The following HK2 variants were observed in gnomAD, a reference collection of about 807,000 sequenced individuals.
HK2 encodes hexokinase-2.
Under a neutral mutation model 92.9 loss-of-function variants are expected in HK2, and 42 were observed. The ratio of observed to expected loss-of-function variants is 0.45; its 90% CI spans 0.35 to 0.58. The LOEUF is 0.58. HK2 is among the 20% of genes least tolerant of loss of function. The pLI, the probability that HK2 is intolerant of heterozygous loss-of-function variation, is 0.00. For synonymous variants in HK2, 422 were observed against 468.0 expected (o/e 0.90, Z 1.27); for missense variants, 978 against 1,245.1 (o/e 0.79, Z 3.23).
Position 74,834,528 on chromosome 2 carries a change from C to T in HK2, c.-53C>T, listed in dbSNP as rs985814893. On this transcript the variant is annotated 5_prime_UTR_variant, in exon 1 of 18. Transcript: ENST00000290573. This position sits in a 1 kb window ranked among gnomAD's most constrained non-coding sequence, Gnocchi z 4.2. Reference sequence around the variant, plus strand: ...AGTCGGACCGCGCCGCCCGCCTCCCCTCTCGCGTCTCCGCCTCGGTTTCCC... The same window carrying T: ...AGTCGGACCGCGCCGCCCGCCTCCCTTCTCGCGTCTCCGCCTCGGTTTCCC... 18 of 1,588,722 alleles carry T rather than the reference C, an allele frequency of 1.1e-5. No individual in the cohort carries two copies. Among genetic ancestry groups the T allele is most frequent in the Admixed American group, 1.7e-5 (1 of 59,968 alleles).
intron 2 of HK2, among the ~76,000 whole-genome samples, chr2:74,864,415 T>C (rs1242411615): frequency 6.6e-6 from 1 of 152,210 alleles, no homozygotes; most frequent in Admixed American, 6.5e-5. Context: ...CAAACCTCCA[T>C]GGCCTTGACA....
chr2:74,861,477 G>C (rs1009216706), intron 2 of HK2, among the ~76,000 whole-genome samples: 6 of 151,390 alleles, frequency 4.0e-5, no homozygotes, highest in Non-Finnish European at 1.5e-5. Flanking sequence ...CATGGTGTCT[G>C]TACTAGGCCA....
chr2:74,881,997 G>C, intron 11 of HK2, 123 bp from the exon 12 acceptor site: 1 of 1,419,340 alleles, frequency 7.0e-7, no homozygotes, highest in Non-Finnish European at 1.0e-6. Context: ...CTTGACTCAG[G>C]TTTGTGCCTG....
intron 12 of HK2, among the ~76,000 whole-genome samples, chr2:74,884,165 T>C (rs1286648829): frequency 1.3e-5 from 2 of 152,254 alleles, no homozygotes; most frequent in Non-Finnish European, 2.9e-5. Context: ...ACTGTTTCTG[T>C]CTGAATTGTG....
chr2:74,870,395 G>A (rs1689068614), intron 3 of HK2, among the ~76,000 whole-genome samples: 2 of 151,964 alleles, frequency 1.3e-5, no homozygotes, highest in Non-Finnish European at 2.9e-5. Context: ...GCTTCTTCAC[G>A]GTCTATTTTT....
chr2:74,868,710 A>G (rs1445629939), intron 3 of HK2, among the ~76,000 whole-genome samples: 1 of 152,216 alleles, frequency 6.6e-6, no homozygotes, highest in East Asian at 1.9e-4. Context: ...CTTGGGCCAC[A>G]TCCCCCAGAT....
At chr2:74,864,845 T>C (rs1688910030) in intron 2 of HK2, among the ~76,000 whole-genome samples, 1 of 152,200 alleles carries the variant, frequency 6.6e-6, no homozygotes, top group Non-Finnish European at 1.5e-5. Context: ...ATAGTCCATG[T>C]TTCACGTAAG....
At position 74,843,800 on chromosome 2, in the gene HK2, C is replaced by T. The variant is rs539120527; in HGVS notation, c.63+9157C>T. The stretch of plus-strand genomic sequence containing the variant: ...GTTAAATGAGGGCATTCGAAACTGC[C>T]ACTTTTCCTTCTTTCCCATTTGAGG... On this transcript the variant is annotated intron_variant, in intron 1 of 17. Coordinates refer to ENST00000290573, the MANE Select transcript of HK2 (RefSeq NM_000189.5). 2.3e-4 allele frequency among the ~76,000 whole-genome samples: 35 copies of T among 152,310 alleles called. 1 individual carries two copies. The highest frequency in any genetic ancestry group is 5.9e-4 in the Admixed American group (9 of 15,300).
At chr2:74,876,228 G>C (rs1341159726) in intron 7 of HK2, among the ~76,000 whole-genome samples, 1 of 152,162 alleles carries the variant, frequency 6.6e-6, no homozygotes, top group Non-Finnish European at 1.5e-5. Flanking sequence ...GCTTCCTGGA[G>C]GCCTGGGTTT....
intron 12 of HK2, among the ~76,000 whole-genome samples, chr2:74,882,576 A>G (rs1324453398): frequency 3.1e-5 from 3 of 97,936 alleles, no homozygotes; most frequent in Non-Finnish European, 4.6e-5. Context: ...TAGCCTAGGC[A>G]ACATAGGAAG....
chr2:74,860,387 A>G (rs1261931639), intron 2 of HK2, among the ~76,000 whole-genome samples: 3 of 152,200 alleles, frequency 2.0e-5, no homozygotes, highest in African/African-American at 7.2e-5. Flanking sequence ...CACCCCAGAA[A>G]GTTACCTTGA....
chr2:74,834,147 G>C lies in HK2; in HGVS notation c.-434G>C, dbSNP rs1477723088. Reference sequence around the variant, plus strand: ...AAGCCACATTGTTGCATGAAACTCCGGCGCAGGAGTCCCGGGCTGCCGCTG... The same window carrying C: ...AAGCCACATTGTTGCATGAAACTCCCGCGCAGGAGTCCCGGGCTGCCGCTG... On this transcript the variant is annotated 5_prime_UTR_variant, in exon 1 of 18. Coordinates refer to ENST00000290573, the MANE Select transcript of HK2 (RefSeq NM_000189.5). The surrounding 1 kb of genome is among the most constrained non-coding windows in gnomAD (Gnocchi z 4.2). The C allele has an allele frequency of 6.0e-6, 2 of 334,016 alleles. No homozygotes were observed. The highest frequency in any genetic ancestry group is 5.9e-6 in the Non-Finnish European group (1 of 169,468). The allele number at this position is 334,016 out of a possible 1,614,324, so 20.7% of individuals were successfully genotyped here. A position where few individuals can be genotyped will look rare whatever the true frequency, so the allele number is the denominator to read the frequency against.
rs190054123 is a variant in HK2 at position 74,851,155 on chromosome 2, C to T, written c.64-3138C>T. 3.3e-5 allele frequency among the ~76,000 whole-genome samples: 5 copies of T among 152,374 alleles called. No individual in the cohort carries two copies. The East Asian group carries it at 9.6e-4, about 29-fold the overall frequency. On this transcript the variant is annotated intron_variant, in intron 1 of 17. Transcript: ENST00000290573. ...CACAGGACAGGCGAGGGTGGCTGTC[C>T]TGACGGCCTGGCAGTGGGGCCAGAC...
chr2:74,878,643 C>A, intron 8 of HK2, 45 bp from the exon 9 acceptor site: 1 of 1,469,788 alleles, frequency 6.8e-7, no homozygotes, highest in Non-Finnish European at 9.4e-7. Flanking sequence ...ACACTGGCCA[C>A]AGTGGGTCAG....
chr2:74,858,030 T>C (rs1688733553), intron 2 of HK2, among the ~76,000 whole-genome samples: 1 of 152,200 alleles, frequency 6.6e-6, no homozygotes, highest in African/African-American at 2.4e-5. Context: ...TAGTATTCTT[T>C]TCAAACCTGA....
intron 2 of HK2, 110 bp downstream of exon 2, chr2:74,854,565 A>G (rs1174106154): frequency 8.6e-7 from 1 of 1,160,620 alleles, no homozygotes; most frequent in Non-Finnish European, 1.3e-6. Context: ...ACCCTGGCTA[A>G]GGGAAGCATC....
chr2:74,889,060 A>G (rs1310839060), intron 16 of HK2, among the ~76,000 whole-genome samples, 185 bp from the exon 17 acceptor site: 3 of 152,204 alleles, frequency 2.0e-5, no homozygotes, highest in Admixed American at 6.5e-5. Context: ...CGTCAGGAAG[A>G]GTCAATGCAG....
Position 74,834,823 on chromosome 2 carries a change from G to GCGAGTGCGCGCGGGCGGGGAGC in HK2, c.63+185_63+206dup, listed in dbSNP as rs1688111981. Among the ~76,000 whole-genome samples, 1 of 147,304 alleles carries GCGAGTGCGCGCGGGCGGGGAGC rather than the reference G, an allele frequency of 6.8e-6. No homozygotes were observed. Among genetic ancestry groups the GCGAGTGCGCGCGGGCGGGGAGC allele is most frequent in the African/African-American group, 2.4e-5 (1 of 41,012 alleles). ...GAGCCACGTCCGCTAAGCACAGCCG[G>GCGAGTGCGCGCGGGCGGGGAGC]CGAGTGCGCGCGGGCGGGGAGCCGA... On this transcript the variant is annotated intron_variant, in intron 1 of 17. Transcript: ENST00000290573. This position sits in a 1 kb window ranked among gnomAD's most constrained non-coding sequence, Gnocchi z 4.2.
chr2:74,858,527 C>G (rs1401396301), intron 2 of HK2, among the ~76,000 whole-genome samples: 1 of 152,200 alleles, frequency 6.6e-6, no homozygotes, highest in Non-Finnish European at 1.5e-5. Context: ...AGATATGTGA[C>G]TTTCTCACAT....
Sources: allele counts gnomAD v4.1 joint callset (sites outside exome capture counted in the v4.1 genomes callset), GRCh38; gene constraint gnomAD v4.1.1; non-coding constraint Gnocchi (gnomAD v3.1); transcripts MANE v1.5; gene names NCBI Gene and HGNC (gene_info 2026-07-23, HGNC 2026-07-21).